The following RYR1 variants were observed in gnomAD, a reference collection of about 807,000 sequenced individuals.
RYR1 encodes central core disease of muscle.
Under a neutral mutation model 583.5 loss-of-function variants are expected in RYR1, and 342 were observed. The ratio of observed to expected loss-of-function variants is 0.59; its 90% CI spans 0.54 to 0.64. The LOEUF is 0.64. RYR1 is among the 30% of genes least tolerant of loss of function. The pLI is 0.00. For missense variants in RYR1, 6,032 were observed against 6,917.2 expected, an observed-to-expected ratio of 0.87 and a Z score of 4.54; for synonymous variants, 2,791 against 2,822.5, an observed-to-expected ratio of 0.99 and a Z score of 0.35.
chr19:38,521,715 A>ATTT (rs76100552), intron 67 of RYR1, among the ~76,000 whole-genome samples: 1 of 137,796 alleles, frequency 7.3e-6, no homozygotes. Flanking sequence ...AAAAAAGAAA[A>ATTT]TTTTTTTTTT....
In RYR1 at chr19:38,460,413, A is replaced by T; in HGVS notation, c.2399A>T (p.Lys800Met). ...FLLGGRHGEF[K>M]FLPPPGYAPC... is the part of the protein sequence containing the mutation. ...CTTGGTGGCCGCCATGGTGAATTCA[A>T]GTTCCTGCCCCCACCTGGCTATGCT... The change falls in exon 20 of 106, where the codon AAG becomes ATG. Residue 800 changes from lysine (K) to methionine (M), a missense_variant. Coordinates refer to ENST00000359596, the MANE Select transcript of RYR1 (RefSeq NM_000540.3). 1 of 1,614,072 alleles carries T rather than the reference A, an allele frequency of 6.2e-7. No homozygotes were observed. Among genetic ancestry groups the T allele is most frequent in the South Asian group, 1.1e-5 (1 of 91,086 alleles).
In RYR1 at chr19:38,543,704, C is replaced by T. The variant is rs1972302138; in HGVS notation, c.11907+44C>T. On this transcript the variant is annotated intron_variant, in intron 86 of 105. Transcript: ENST00000359596. The surrounding 1 kb of genome is among the most constrained non-coding windows in gnomAD (Gnocchi z 4.4). The stretch of plus-strand genomic sequence containing the variant: ...GGCGGGAGTGGGAAGGGAGGGGGTC[C>T]CGCATCGTGATCCCTGATCCCTTCT... The T allele has an allele frequency of 1.9e-6, 3 of 1,611,698 alleles. No individual in the cohort carries two copies. Among genetic ancestry groups the T allele is most frequent in the Non-Finnish European group, 2.5e-6 (3 of 1,179,958 alleles).
intron 48 of RYR1, 26 bp from the exon 49 acceptor site, chr19:38,502,854 T>A (rs754892584): frequency 6.2e-7 from 1 of 1,603,646 alleles, no homozygotes; most frequent in Non-Finnish European, 8.5e-7. Flanking sequence ...GACGGGGGAT[T>A]CTACATCTTG....
chr19:38,576,279 T>A (rs1599657003), intron 97 of RYR1, among the ~76,000 whole-genome samples: 1 of 150,332 alleles, frequency 6.7e-6, no homozygotes, highest in East Asian at 2.0e-4. Context: ...CATGGCAAAA[T>A]GCCGTCTCTA....
chr19:38,497,386 A>G (rs114196708), intron 42 of RYR1, among the ~76,000 whole-genome samples: 4,882 of 152,254 alleles, frequency 0.032, 148 homozygotes, highest in Admixed American at 0.11. Context: ...TTCTGTGTAC[A>G]GTGGTGAAAT....
Position 38,444,855 on chromosome 19 carries a change from A to G in RYR1, c.631+178A>G, listed in dbSNP as rs917246436. Among the ~76,000 whole-genome samples, 2 of 143,438 alleles carry G rather than the reference A, an allele frequency of 1.4e-5. No individual in the cohort carries two copies. Among genetic ancestry groups the G allele is most frequent in the African/African-American group, 5.0e-5 (2 of 39,724 alleles). The allele number at this position is 143,438 out of a possible 152,430, so 94.1% of individuals were successfully genotyped here. A position where few individuals can be genotyped will look rare whatever the true frequency, so the allele number is the denominator to read the frequency against. On this transcript the variant is annotated intron_variant, in intron 7 of 105. Transcript: ENST00000359596. The surrounding 1 kb of genome is among the most constrained non-coding windows in gnomAD (Gnocchi z 5.1). ...CCAAATCCAGACCCCCAGAGCTCAG[A>G]ACCCCCCCAAACCCCGAACTAAATA...
Position 38,567,856 on chromosome 19 carries a change from A to C in RYR1, c.13598A>C (p.Lys4533Thr). 1 of 1,613,922 alleles carries C rather than the reference A, an allele frequency of 6.2e-7. No individual in the cohort carries two copies. Residue 4533 changes from lysine (K) to threonine (T), a missense_variant, in exon 93 of 106, where the codon AAG (lysine) becomes ACG (threonine). Lys to Thr is a moderately conservative substitution (Grantham distance 78, BLOSUM62 -1). This residue lies in a region of RYR1 where 753 missense variants were observed against 759.6 expected (regional missense o/e 0.99). Coordinates refer to ENST00000359596, the MANE Select transcript of RYR1 (RefSeq NM_000540.3). ...CAAGCACCTCCCTCACCCCCTCCAA[A>C]GAAGGAGGAAGCTGGAGGCGAATTC... is the stretch of plus-strand genomic sequence containing the variant. ...KKQAPPSPPPKKEEAGGEFWG... is the reference protein window; with the variant it reads ...KKQAPPSPPPTKEEAGGEFWG...
intron 12 of RYR1, among the ~76,000 whole-genome samples, chr19:38,452,187 A>G (rs1011619469): frequency 1.3e-5 from 2 of 149,838 alleles, no homozygotes; most frequent in Non-Finnish European, 2.9e-5. Context: ...CTGTAATCCT[A>G]GCACTTTGAG....
At chr19:38,452,010 C>A in intron 12 of RYR1, 125 bp downstream of exon 12, 4 of 1,334,870 alleles carry the variant, frequency 3.0e-6, no homozygotes, top group Non-Finnish European at 4.3e-6. Flanking sequence ...ATACATGGGC[C>A]AAGCGCAGTG....
chr19:38,485,093 A>G (rs777853866), intron 33 of RYR1, among the ~76,000 whole-genome samples: 6 of 152,214 alleles, frequency 3.9e-5, no homozygotes, highest in Non-Finnish European at 7.3e-5. Flanking sequence ...CTTGGAATTT[A>G]CATTCTAATG....
chr19:38,525,148 G>A (rs1971409497), intron 70 of RYR1, among the ~76,000 whole-genome samples, 184 bp from the exon 71 acceptor site: 1 of 152,142 alleles, frequency 6.6e-6, no homozygotes. Context: ...AGGGTCTCCG[G>A]TCATGGCTGT....
Position 38,466,080 on chromosome 19 carries a change from C to G in RYR1, c.2871-11C>G. 1 of 1,602,726 alleles carries G rather than the reference C, an allele frequency of 6.2e-7. No homozygotes were observed. Among genetic ancestry groups the G allele is most frequent in the African/African-American group, 1.3e-5 (1 of 74,764 alleles). ...AGGGCCTTGTCCCATGGAGCCCTACCATGCCCGCAGGTATATGATGAGCAA... is the reference window on the plus strand; with the variant it reads ...AGGGCCTTGTCCCATGGAGCCCTACGATGCCCGCAGGTATATGATGAGCAA... On this transcript the variant is annotated splice_polypyrimidine_tract_variant and intron_variant, in intron 23 of 105. Coordinates refer to ENST00000359596, the MANE Select transcript of RYR1 (RefSeq NM_000540.3).
At chr19:38,523,984 C>G (rs930226686) in intron 70 of RYR1, 55 bp downstream of exon 70, 1 of 1,606,834 alleles carries the variant, frequency 6.2e-7, no homozygotes, top group Non-Finnish European at 8.5e-7. Context: ...CCCTCTTCCC[C>G]CAGCCTCTGC....
intron 30 of RYR1, 24 bp downstream of exon 30, chr19:38,477,894 GA>G: frequency 1.8e-6 from 2 of 1,083,036 alleles, no homozygotes; most frequent in Non-Finnish European, 1.4e-6. Context: ...GGGGAGGTGG[GA>G]GGTGCAGGGT....
chr19:38,534,600 T>G, intron 78 of RYR1, 120 bp from the exon 79 acceptor site: 1 of 816,154 alleles, frequency 1.2e-6, no homozygotes, highest in Non-Finnish European at 2.1e-6. Context: ...AGGGAGCTCA[T>G]GGTTGAAGGA....
chr19:38,500,482 C>T lies in RYR1; in HGVS notation c.7324-124C>T. On this transcript the variant is annotated intron_variant, in intron 45 of 105. Coordinates refer to ENST00000359596, the MANE Select transcript of RYR1 (RefSeq NM_000540.3). The surrounding 1 kb of genome is among the most constrained non-coding windows in gnomAD (Gnocchi z 5.9). Reference sequence around the variant, plus strand: ...GGCAGAGGAACGAGGGCTGGAAACTCTAGACAGCCTCCTGAGAAAGAGGCC... The same window carrying T: ...GGCAGAGGAACGAGGGCTGGAAACTTTAGACAGCCTCCTGAGAAAGAGGCC... 1 of 1,424,236 alleles carries T rather than the reference C, an allele frequency of 7.0e-7. No individual in the cohort carries two copies. Among genetic ancestry groups the T allele is most frequent in the Non-Finnish European group, 9.8e-7 (1 of 1,025,040 alleles). The allele number at this position is 1,424,236 out of a possible 1,614,324, so 88.2% of individuals were successfully genotyped here. A position where few individuals can be genotyped will look rare whatever the true frequency, so the allele number is the denominator to read the frequency against.
intron 65 of RYR1, 118 bp downstream of exon 65, chr19:38,516,335 C>A: frequency 7.8e-7 from 1 of 1,288,184 alleles, no homozygotes; most frequent in Non-Finnish European, 1.1e-6. Context: ...GCTGAGGATT[C>A]CCCAGGTTGG....
In RYR1 at chr19:38,496,928, G is replaced by A. The variant is rs1327122419; in HGVS notation, c.6865G>A (p.Ala2289Thr). 2 of 1,613,642 alleles carry A rather than the reference G, an allele frequency of 1.2e-6. No individual in the cohort carries two copies. Among genetic ancestry groups the A allele is most frequent in the Admixed American group, 1.7e-5 (1 of 60,028 alleles). The change falls in exon 42 of 106, where the codon GCA (alanine) becomes ACA (threonine). Residue 2289 changes from alanine (A) to threonine (T), a missense_variant. By Grantham distance (58) the Ala-to-Thr change is moderately conservative. Coordinates refer to ENST00000359596, the MANE Select transcript of RYR1 (RefSeq NM_000540.3). This position sits in a 1 kb window ranked among gnomAD's most constrained non-coding sequence, Gnocchi z 4.8. ...SVIDNNELALALQEQDLEKVV... is the reference protein window; with the variant it reads ...SVIDNNELALTLQEQDLEKVV... ...CATTGACAACAATGAGCTGGCCTTG[G>A]CATTGCAGGAGCAGGACCTGGAAAA... is the stretch of plus-strand genomic sequence containing the variant.
Position 38,466,403 on chromosome 19 carries a change from G to C in RYR1, c.3178+5G>C. ...AGCCTCCTGACCAGGAGCCCAGTGA[G>C]TGCTCACCCCTGGCCCTGGCCCTGA... On this transcript the variant is annotated splice_donor_5th_base_variant and intron_variant, in intron 24 of 105. Transcript: ENST00000359596. 6.5e-7 allele frequency: 1 copy of C among 1,544,018 alleles called. No homozygotes were observed. Among genetic ancestry groups the C allele is most frequent in the Non-Finnish European group, 8.7e-7 (1 of 1,147,192 alleles).
Sources: allele counts gnomAD v4.1 joint callset (sites outside exome capture counted in the v4.1 genomes callset), GRCh38; gene constraint gnomAD v4.1.1; regional missense constraint gnomAD v4.1.1; non-coding constraint Gnocchi (gnomAD v3.1); transcripts MANE v1.5; gene names NCBI Gene and HGNC (gene_info 2026-07-23, HGNC 2026-07-21).